VAV1: variants seen among roughly 807,000 people sequenced by gnomAD.
The protein encoded by VAV1 is vav guanine nucleotide exchange factor 1, also known as proto-oncogene vav.
In VAV1, 33 loss-of-function variants were observed where a neutral mutation model predicts 128.1. The observed-to-expected ratio is 0.26, with a 90% CI of 0.20 to 0.34. The LOEUF is 0.34. Among genes scored for constraint, VAV1 ranks in the 10% least tolerant of loss-of-function variants. VAV1 has a pLI of 1.00. For missense variants in VAV1, 715 were observed against 1,093.7 expected (o/e 0.65, Z 4.88); for synonymous variants, 394 against 409.8 (o/e 0.96, Z 0.47).
chr19:6,813,519 G>C (rs1013445912), intron 1 of VAV1, among the ~76,000 whole-genome samples: 1 of 152,152 alleles, frequency 6.6e-6, no homozygotes, highest in Non-Finnish European at 1.5e-5. Context: ...GGCCATCCTG[G>C]AGGCTGGCTA....
intron 1 of VAV1, among the ~76,000 whole-genome samples, chr19:6,815,712 G>A (rs971716185): frequency 1.3e-5 from 2 of 152,112 alleles, no homozygotes; most frequent in Non-Finnish European, 2.9e-5. Flanking sequence ...TTTGTATCCC[G>A]GCTGTGTGTC....
chr19:6,792,803 G>A (rs752635200), intron 1 of VAV1, among the ~76,000 whole-genome samples: 1 of 152,100 alleles, frequency 6.6e-6, no homozygotes, highest in Non-Finnish European at 1.5e-5. Flanking sequence ...AATGCCTGGA[G>A]ACAGTTTCAG....
At chr19:6,816,943 G>A (rs369854343) in intron 1 of VAV1, among the ~76,000 whole-genome samples, 2 of 152,100 alleles carry the variant, frequency 1.3e-5, no homozygotes, top group South Asian at 2.1e-4. Context: ...CAGCCTGGGC[G>A]ACAGAGCAAG....
At chr19:6,780,557 C>T (rs960655299) in intron 1 of VAV1, among the ~76,000 whole-genome samples, 1 of 143,968 alleles carries the variant, frequency 6.9e-6, no homozygotes, top group African/African-American at 2.6e-5. Flanking sequence ...TTGCCTTCTC[C>T]TTTTCTTTCT....
At chr19:6,846,202 T>G (rs1241114493) in intron 22 of VAV1, among the ~76,000 whole-genome samples, 1 of 151,044 alleles carries the variant, frequency 6.6e-6, no homozygotes, top group Non-Finnish European at 1.5e-5. Context: ...ATAATTAATA[T>G]TCTTTATTGT....
chr19:6,814,671 CCTTTCTTT>C lies in VAV1; in HGVS notation c.205-5977_205-5970del, dbSNP rs71177121. 4.0e-3 allele frequency among the ~76,000 whole-genome samples: 104 copies of C among 25,786 alleles called. 1 individual carries two copies. Among genetic ancestry groups the C allele is most frequent in the Admixed American group, 6.7e-3 (11 of 1,644 alleles). The allele number at this position is 25,786 out of a possible 152,430, so 16.9% of individuals were successfully genotyped here. A position where few individuals can be genotyped will look rare whatever the true frequency, so the allele number is the denominator to read the frequency against. ...TCCTTCCTTCCTTCCTTCCTTCCTTCCTTTCTTTCTTTCTTTCTTTCTTTCTTTCTTTC... is the reference window on the plus strand; with the variant it reads ...TCCTTCCTTCCTTCCTTCCTTCCTTCCTTTCTTTCTTTCTTTCTTTCTTTC... On this transcript the variant is annotated intron_variant, in intron 1 of 26. Coordinates refer to ENST00000602142, the MANE Select transcript of VAV1 (RefSeq NM_005428.4).
rs779641231 is a variant in VAV1, at chr19:6,772,936, G to T, written c.129G>T (p.Leu43=). 1.4e-5 allele frequency: 22 copies of T among 1,613,966 alleles called. No individual in the cohort carries two copies. In the Admixed American group the frequency reaches 3.7e-4, roughly 27 times the overall value. The change falls in exon 1 of 27, where the codon CTG becomes CTT. Residue 43 remains leucine (L), a synonymous_variant. Coordinates refer to ENST00000602142, the MANE Select transcript of VAV1 (RefSeq NM_005428.4). The surrounding 1 kb of genome is among the most constrained non-coding windows in gnomAD (Gnocchi z 4.8). ...AGGCCCTCCGGGATGGTGTCCTTCT[G>T]TGTCAGCTGCTTAACAACCTGCTAC... ...LAQALRDGVL[L]CQLLNNLLPH... is the part of the protein sequence containing the mutation.
At chr19:6,836,057 A>G (rs1226414610) in intron 19 of VAV1, 1 of 171,648 alleles carries the variant, frequency 5.8e-6, no homozygotes, top group African/African-American at 2.4e-5. Context: ...TAGTTTTAGT[A>G]GAGATGGGGT....
intron 22 of VAV1, 74 bp downstream of exon 22, chr19:6,843,240 C>T (rs1972423552): frequency 1.3e-6 from 2 of 1,535,962 alleles, no homozygotes; most frequent in Non-Finnish European, 1.8e-6. Flanking sequence ...ATGGGAGGAA[C>T]CTCCGAGCCA....
Position 6,826,543 on chromosome 19 carries a change from GC to G in VAV1, c.828-68del. 8.0e-7 allele frequency: 1 copy of G among 1,243,664 alleles called. No homozygotes were observed. 77.0% of individuals were successfully genotyped at this position (1,243,664 alleles called of 1,614,324 possible). On this transcript the variant is annotated intron_variant, in intron 8 of 26. Transcript: ENST00000602142. The surrounding 1 kb of genome is among the most constrained non-coding windows in gnomAD (Gnocchi z 4.1). ...TCCAGCGGGGAAGAGCAAGGCCAGG[GC>G]TGACGCCAGCCTCTGCCCGACCTTG...
Position 6,822,072 on chromosome 19 carries a change from C to A in VAV1, c.450-149C>A. ...TGGGGTCTTGGGGGACATGGCCCTG[C>A]CCTGGAGCTTGGAGGGACATGGCCT... On this transcript the variant is annotated intron_variant, in intron 4 of 26. Transcript: ENST00000602142. This position sits in a 1 kb window ranked among gnomAD's most constrained non-coding sequence, Gnocchi z 5.9. The A allele has an allele frequency of 1.0e-6, 1 of 984,128 alleles. No individual in the cohort carries two copies. The highest frequency in any genetic ancestry group is 1.5e-6 in the Non-Finnish European group (1 of 655,660). 61.0% of individuals were successfully genotyped at this position (984,128 alleles called of 1,614,324 possible).
intron 1 of VAV1, among the ~76,000 whole-genome samples, chr19:6,817,246 T>C (rs1971676149): frequency 6.6e-6 from 1 of 151,754 alleles, no homozygotes; most frequent in Non-Finnish European, 1.5e-5. Flanking sequence ...GTATTTTTAG[T>C]AGAAATGGGG....
chr19:6,857,101 C>T lies in VAV1; in HGVS notation c.2532C>T (p.Tyr844=), dbSNP rs373692240. The T allele has an allele frequency of 3.7e-6, 6 of 1,614,150 alleles. No individual in the cohort carries two copies. The highest frequency in any genetic ancestry group is 2.7e-5 in the African/African-American group (2 of 75,044). Residue 844 remains tyrosine, a synonymous_variant, in exon 27 of 27, where the codon TAC becomes TAT. Coordinates refer to ENST00000602142, the MANE Select transcript of VAV1 (RefSeq NM_005428.4). ...ANYVEEDYSE[Y]C is the part of the protein sequence containing the mutation. ...ACGTGGAGGAAGATTATTCTGAATA[C>T]TGCTGAGCCCTGGTGCCTTGGCAGA... is the stretch of plus-strand genomic sequence containing the variant.
At chr19:6,835,952 A>T (rs985701399) in intron 19 of VAV1, 2 of 154,242 alleles carry the variant, frequency 1.3e-5, no homozygotes, top group African/African-American at 4.8e-5. Context: ...GCTCACTGAA[A>T]CCTCTGCCTC....
intron 1 of VAV1, among the ~76,000 whole-genome samples, chr19:6,809,166 A>T (rs1223103745): frequency 1.3e-5 from 2 of 151,452 alleles, no homozygotes; most frequent in African/African-American, 4.9e-5. Context: ...CTGCAACCTC[A>T]AACTCCTGGA....
rs112407623 is a variant in VAV1 at position 6,785,085 on chromosome 19, C to G, written c.204+12074C>G. 2.2e-4 allele frequency among the ~76,000 whole-genome samples: 34 copies of G among 152,346 alleles called. 1 individual carries two copies. The highest frequency in any genetic ancestry group is 8.2e-4 in the African/African-American group (34 of 41,586). On this transcript the variant is annotated intron_variant, in intron 1 of 26. Transcript: ENST00000602142. ...ACAATCCAGCCTCAGGGCCTTTGCA[C>G]TGGCTCTTCCTTCTTCAGGGATTTC...
chr19:6,856,271 T>TG (rs1204891853), intron 26 of VAV1, among the ~76,000 whole-genome samples: 1 of 151,026 alleles, frequency 6.6e-6, no homozygotes, highest in African/African-American at 2.4e-5. Flanking sequence ...CACTCCAGCC[T>TG]GGGCAACAGA....
chr19:6,831,935 C>T (rs1301981838), intron 14 of VAV1, among the ~76,000 whole-genome samples, 156 bp from the exon 15 acceptor site: 2 of 150,258 alleles, frequency 1.3e-5, no homozygotes, highest in African/African-American at 4.9e-5. Context: ...TTTGGATATC[C>T]TAGAAAGCCC....
chr19:6,817,050 A>AT (rs938597509), intron 1 of VAV1, among the ~76,000 whole-genome samples: 1,698 of 148,712 alleles, frequency 0.011, 40 homozygotes, highest in African/African-American at 0.039. Context: ...CAAGAAATGC[A>AT]TTTTTTTTTT....
Sources: allele counts gnomAD v4.1 joint callset (sites outside exome capture counted in the v4.1 genomes callset), GRCh38; gene constraint gnomAD v4.1.1; non-coding constraint Gnocchi (gnomAD v3.1); transcripts MANE v1.5; gene names NCBI Gene and HGNC (gene_info 2026-07-23, HGNC 2026-07-21).